CNNM2: variants seen among roughly 807,000 people sequenced by gnomAD.
CNNM2 encodes the protein metal transporter CNNM2.
Under a neutral mutation model 66.9 loss-of-function variants are expected in CNNM2, and 12 were observed. That is an observed-to-expected ratio of 0.18 (90% CI 0.11 to 0.29). The LOEUF (loss-of-function observed/expected upper bound fraction) is 0.29, where lower values mean the gene tolerates loss of function less well. CNNM2 is among the 10% of genes least tolerant of loss of function. CNNM2 has a pLI of 1.00. For synonymous variants in CNNM2, 557 were observed against 501.8 expected (o/e 1.11, Z -1.47); for missense variants, 705 against 1,167.7 (o/e 0.60, Z 5.77).
At chr10:102,945,046 T>C (rs1258136888) in intron 1 of CNNM2, among the ~76,000 whole-genome samples, 2 of 151,210 alleles carry the variant, frequency 1.3e-5, no homozygotes, top group Non-Finnish European at 2.9e-5. Context: ...TAACAAGGAA[T>C]CTATGAGGTG....
At chr10:103,056,537 T>C (rs1309151935) in intron 3 of CNNM2, among the ~76,000 whole-genome samples, 1 of 152,236 alleles carries the variant, frequency 6.6e-6, no homozygotes, top group Non-Finnish European at 1.5e-5. Context: ...TCAGTGAAAT[T>C]AGTGTACTTT....
chr10:102,943,399 C>A lies in CNNM2; in HGVS notation c.1621+23298C>A, dbSNP rs186095066. ...ACATTATGATCTCACCTCTGAATAG[C>A]CACTGCACTCCAGCCTGGGCAACAT... On this transcript the variant is annotated intron_variant, in intron 1 of 7. Coordinates refer to ENST00000369878, the MANE Select transcript of CNNM2 (RefSeq NM_017649.5). 1.6e-4 allele frequency among the ~76,000 whole-genome samples: 24 copies of A among 152,112 alleles called. No individual in the cohort carries two copies. In the East Asian group the frequency reaches 4.1e-3, roughly 26 times the overall value.
chr10:103,033,944 C>T (rs2064879397), intron 1 of CNNM2, among the ~76,000 whole-genome samples: 1 of 151,900 alleles, frequency 6.6e-6, no homozygotes, highest in Admixed American at 6.6e-5. Context: ...TTTCTGGGGA[C>T]AGGAAGCAAA....
intron 4 of CNNM2, among the ~76,000 whole-genome samples, chr10:103,067,903 G>A (rs944077156): frequency 4.6e-5 from 7 of 152,222 alleles, no homozygotes; most frequent in African/African-American, 1.7e-4. Flanking sequence ...AGTGCCTCCA[G>A]GAGTGTAGAC....
rs545884645 is a variant in CNNM2 at position 102,929,117 on chromosome 10, G to A, written c.1621+9016G>A. On this transcript the variant is annotated intron_variant, in intron 1 of 7. Coordinates refer to ENST00000369878, the MANE Select transcript of CNNM2 (RefSeq NM_017649.5). ...TCCACTAAAAATACAAAAATTAGCCGGGCGTGGTGGCATGTGCCTGTAGTC... is the reference window on the plus strand; with the variant it reads ...TCCACTAAAAATACAAAAATTAGCCAGGCGTGGTGGCATGTGCCTGTAGTC... 1.3e-4 allele frequency among the ~76,000 whole-genome samples: 20 copies of A among 152,184 alleles called. No individual in the cohort carries two copies. The East Asian group carries it at 3.1e-3, about 24-fold the overall frequency.
Position 103,034,335 on chromosome 10 carries a change from A to AAAAAC in CNNM2, c.1622-15357_1622-15353dup, listed in dbSNP as rs61454390. Among the ~76,000 whole-genome samples the AAAAAC allele has an allele frequency of 0.31, 45,489 of 148,454 alleles. 7,073 individuals are homozygous for AAAAAC. The highest frequency in any genetic ancestry group is 0.35 in the Middle Eastern group (100 of 284). On this transcript the variant is annotated intron_variant, in intron 1 of 7. Transcript: ENST00000369878. The stretch of plus-strand genomic sequence containing the variant: ...TTTCTTGTTTTTTTTTTTTGGTTTT[A>AAAAAC]AAAACAAAACAAAACAAAAAAAACC...
chr10:103,077,205 G>A lies in CNNM2; in HGVS notation c.*25G>A. On this transcript the variant is annotated 3_prime_UTR_variant, in exon 8 of 8. Coordinates refer to ENST00000369878, the MANE Select transcript of CNNM2 (RefSeq NM_017649.5). The stretch of plus-strand genomic sequence containing the variant: ...GGCCGCGCTGGCTGCACCCGCCCAG[G>A]CCCGCACCCGCCCAGTCCCGAGGGC... 1 of 1,601,898 alleles carries A rather than the reference G, an allele frequency of 6.2e-7. No homozygotes were observed. Among genetic ancestry groups the A allele is most frequent in the East Asian group, 2.2e-5 (1 of 44,794 alleles).
Position 102,918,571 on chromosome 10 carries a change from C to A in CNNM2, c.91C>A (p.Arg31Ser). 1 of 1,583,182 alleles carries A rather than the reference C, an allele frequency of 6.3e-7. No individual in the cohort carries two copies. ...ALPTWKMAAR[R>S]SLSARGRGIL... is the part of the protein sequence containing the mutation. ...GCCCACTTGGAAGATGGCGGCGCGC[C>A]GCAGCCTCAGCGCTCGCGGCCGGGG... Residue 31 changes from arginine to serine, a missense_variant, in exon 1 of 8, where the codon CGC becomes AGC. Physicochemically the swap from Arg to Ser is moderately radical, Grantham distance 110. Transcript: ENST00000369878. The surrounding 1 kb of genome is among the most constrained non-coding windows in gnomAD (Gnocchi z 4.1).
chr10:103,090,023 CA>C lies in CNNM2; in HGVS notation c.*12844del. The C allele has an allele frequency of 1.4e-6, 1 of 711,380 alleles. No homozygotes were observed. The highest frequency in any genetic ancestry group is 2.2e-6 in the Non-Finnish European group (1 of 445,614). 44.1% of individuals were successfully genotyped at this position (711,380 alleles called of 1,614,324 possible). ...ATGCAATTACATCTATAATGGACCA[CA>C]GGACAAGTCAATATAGACTTATCTT... On this transcript the variant is annotated 3_prime_UTR_variant, in exon 8 of 8. Coordinates refer to ENST00000369878, the MANE Select transcript of CNNM2 (RefSeq NM_017649.5).
At chr10:103,058,670 G>A (rs1197338366) in intron 4 of CNNM2, among the ~76,000 whole-genome samples, 1 of 152,134 alleles carries the variant, frequency 6.6e-6, no homozygotes, top group East Asian at 1.9e-4. Flanking sequence ...CTTATATAAA[G>A]GTGACAAGTT....
At chr10:103,016,248 T>G (rs1228635985) in intron 1 of CNNM2, among the ~76,000 whole-genome samples, 1 of 152,116 alleles carries the variant, frequency 6.6e-6, no homozygotes, top group East Asian at 1.9e-4. Flanking sequence ...ATATCAAATT[T>G]TTCTGTTGGA....
At chr10:102,939,394 T>TA (rs1253057874) in intron 1 of CNNM2, among the ~76,000 whole-genome samples, 8 of 152,210 alleles carry the variant, frequency 5.3e-5, no homozygotes, top group Non-Finnish European at 7.3e-5. Flanking sequence ...TTCAAACAGT[T>TA]ACAACCCATG....
intron 1 of CNNM2, among the ~76,000 whole-genome samples, chr10:102,967,393 T>A (rs1387402523): frequency 6.6e-6 from 1 of 152,250 alleles, no homozygotes; most frequent in Non-Finnish European, 1.5e-5. Flanking sequence ...TTTAGAACAC[T>A]GCTTTGTCCC....
At chr10:103,000,245 A>G (rs890605912) in intron 1 of CNNM2, among the ~76,000 whole-genome samples, 1 of 61,264 alleles carries the variant, frequency 1.6e-5, no homozygotes, top group Non-Finnish European at 3.6e-5. Flanking sequence ...TCAAAAACAA[A>G]TAAATAAATA....
chr10:103,016,135 C>G (rs1398978267), intron 1 of CNNM2, among the ~76,000 whole-genome samples: 2 of 152,062 alleles, frequency 1.3e-5, no homozygotes, highest in Middle Eastern at 3.2e-3. Context: ...CCCCCAAGCC[C>G]CCCGCTTCCC....
intron 1 of CNNM2, among the ~76,000 whole-genome samples, chr10:103,013,801 A>C (rs2064390644): frequency 6.6e-6 from 1 of 152,226 alleles, no homozygotes; most frequent in African/African-American, 2.4e-5. Flanking sequence ...TTCAGAAACA[A>C]GTTATGGTGA....
At chr10:103,001,732 G>C (rs534399314) in intron 1 of CNNM2, among the ~76,000 whole-genome samples, 1 of 152,132 alleles carries the variant, frequency 6.6e-6, no homozygotes, top group Non-Finnish European at 1.5e-5. Context: ...GGCCAGGTGC[G>C]CTGGCTCATA....
intron 1 of CNNM2, among the ~76,000 whole-genome samples, chr10:102,967,639 A>G (rs1013348728): frequency 5.3e-5 from 8 of 152,246 alleles, no homozygotes; most frequent in Non-Finnish European, 1.0e-4. Flanking sequence ...ATTTGATTGC[A>G]TGGATATACC....
In CNNM2 at chr10:102,918,328, C is replaced by T. The variant is rs754324108; in HGVS notation, c.-153C>T. 2.8e-4 allele frequency: 366 copies of T among 1,316,372 alleles called. No individual in the cohort carries two copies. The highest frequency in any genetic ancestry group is 3.5e-4 in the Non-Finnish European group (347 of 999,604). 81.5% of individuals were successfully genotyped at this position (1,316,372 alleles called of 1,614,324 possible). Reference sequence around the variant, plus strand: ...TTTCCCTCCCGCGAGCCTCGGGGTTCCTCAGCTGGCTGAGGTGGAGTCAGT... The same window carrying T: ...TTTCCCTCCCGCGAGCCTCGGGGTTTCTCAGCTGGCTGAGGTGGAGTCAGT... On this transcript the variant is annotated 5_prime_UTR_variant, in exon 1 of 8. Coordinates refer to ENST00000369878, the MANE Select transcript of CNNM2 (RefSeq NM_017649.5). The surrounding 1 kb of genome is among the most constrained non-coding windows in gnomAD (Gnocchi z 4.1).
Sources: allele counts gnomAD v4.1 joint callset (sites outside exome capture counted in the v4.1 genomes callset), GRCh38; gene constraint gnomAD v4.1.1; non-coding constraint Gnocchi (gnomAD v3.1); transcripts MANE v1.5; gene names NCBI Gene and HGNC (gene_info 2026-07-23, HGNC 2026-07-21).